DTNB: variants seen among roughly 807,000 people sequenced by gnomAD.
DTNB encodes the protein dystrobrevin beta.
DTNB carries 63 observed loss-of-function variants against 90.7 expected under a neutral mutation model. The ratio of observed to expected loss-of-function variants is 0.69; its 90% CI spans 0.57 to 0.86. The LOEUF is 0.86. Among genes scored for constraint, DTNB ranks in the 40% least tolerant of loss-of-function variants. DTNB has a pLI of 0.00. For synonymous variants in DTNB, 277 were observed against 286.7 expected (o/e 0.97, Z 0.34); for missense variants, 744 against 807.1 (o/e 0.92, Z 0.95).
intron 19 of DTNB, among the ~76,000 whole-genome samples, chr2:25,381,494 C>A (rs2037749975): frequency 6.6e-6 from 1 of 152,162 alleles, no homozygotes; most frequent in South Asian, 2.1e-4. Flanking sequence ...GTCCTCCTGC[C>A]TCTGCCTCCA....
chr2:25,624,075 G>A (rs2073522442), intron 4 of DTNB, among the ~76,000 whole-genome samples: 1 of 152,088 alleles, frequency 6.6e-6, no homozygotes, highest in African/African-American at 2.4e-5. Context: ...ACTATTTGCA[G>A]GCTTCATCTG....
chr2:25,472,470 G>A (rs1574892065), intron 10 of DTNB, among the ~76,000 whole-genome samples: 1 of 152,210 alleles, frequency 6.6e-6, no homozygotes, highest in Non-Finnish European at 1.5e-5. Context: ...GGAAGGGCTG[G>A]CAAGGGTCAG....
chr2:25,479,751 T>A (rs2064527685), intron 10 of DTNB, among the ~76,000 whole-genome samples: 1 of 152,246 alleles, frequency 6.6e-6, no homozygotes. Flanking sequence ...TTATATGCAC[T>A]GCCTATTAAA....
intron 12 of DTNB, among the ~76,000 whole-genome samples, chr2:25,449,369 A>G (rs1257564528): frequency 6.6e-6 from 1 of 152,234 alleles, no homozygotes; most frequent in Non-Finnish European, 1.5e-5. Context: ...GCTGGGTCAT[A>G]GTATAAATTT....
chr2:25,531,307 G>A (rs779241482), intron 9 of DTNB, among the ~76,000 whole-genome samples, 166 bp downstream of exon 9: 4 of 152,158 alleles, frequency 2.6e-5, no homozygotes, highest in Non-Finnish European at 4.4e-5. Context: ...GACACTTAAC[G>A]GTGATTTACA....
At chr2:25,593,122 T>C (rs1419975032) in intron 6 of DTNB, among the ~76,000 whole-genome samples, 3 of 152,168 alleles carry the variant, frequency 2.0e-5, no homozygotes, top group African/African-American at 7.2e-5. Flanking sequence ...AGCTCATGGG[T>C]CCTTGAAACC....
chr2:25,504,065 C>T (rs1165506970), intron 9 of DTNB, among the ~76,000 whole-genome samples: 7 of 152,092 alleles, frequency 4.6e-5, no homozygotes, highest in African/African-American at 7.2e-5. Context: ...GTTGGGAATT[C>T]GAGACCAGTC....
intron 9 of DTNB, among the ~76,000 whole-genome samples, chr2:25,531,094 A>G (rs2078075473): frequency 6.6e-6 from 1 of 152,188 alleles, no homozygotes. Flanking sequence ...TTTCATTTCC[A>G]TGTTGTCTAC....
At chr2:25,648,703 C>A (rs1204321427) in intron 2 of DTNB, among the ~76,000 whole-genome samples, 7 of 152,080 alleles carry the variant, frequency 4.6e-5, no homozygotes, top group Admixed American at 4.6e-4. Flanking sequence ...TACTTTCTGG[C>A]TCTTTAAGAA....
chr2:25,665,776 T>TAA lies in DTNB; in HGVS notation c.-2+7608_-2+7609dup, dbSNP rs11294720. Among the ~76,000 whole-genome samples, 7 of 141,490 alleles carry TAA rather than the reference T, an allele frequency of 4.9e-5. No individual in the cohort carries two copies. The South Asian group carries it at 1.3e-3, about 27-fold the overall frequency. 92.8% of individuals were successfully genotyped at this position (141,490 alleles called of 152,430 possible). On this transcript the variant is annotated intron_variant, in intron 1 of 20. Transcript: ENST00000406818. The stretch of plus-strand genomic sequence containing the variant: ...CTTCTTTTCTCTTCTCTTTCAGATT[T>TAA]AAAAAAAAAAAAAAAAGGCCAGGGA...
chr2:25,525,851 G>C (rs960652075), intron 9 of DTNB, among the ~76,000 whole-genome samples: 2 of 152,100 alleles, frequency 1.3e-5, no homozygotes, highest in Non-Finnish European at 2.9e-5. Context: ...GAAAGGCCTG[G>C]AACCTCTGAA....
At chr2:25,580,076 G>A (rs1288914210) in intron 7 of DTNB, among the ~76,000 whole-genome samples, 1 of 149,398 alleles carries the variant, frequency 6.7e-6, no homozygotes, top group Non-Finnish European at 1.5e-5. Flanking sequence ...CCACCTCCCA[G>A]GTTCAAGCAA....
chr2:25,475,921 A>G (rs1048890284), intron 10 of DTNB, among the ~76,000 whole-genome samples: 19 of 152,206 alleles, frequency 1.2e-4, no homozygotes, highest in African/African-American at 3.9e-4. Flanking sequence ...TTCAGAAAAA[A>G]AGATTGCTTT....
At chr2:25,451,507 G>A (rs199899803) in intron 12 of DTNB, 41 bp downstream of exon 12, 164 of 1,558,738 alleles carry the variant, frequency 1.1e-4, no homozygotes, top group Non-Finnish European at 1.3e-4. Flanking sequence ...TTAAAGTAAT[G>A]CTAATTTCTG....
chr2:25,418,013 T>C (rs2048385585), intron 16 of DTNB, among the ~76,000 whole-genome samples: 1 of 152,190 alleles, frequency 6.6e-6, no homozygotes, highest in Non-Finnish European at 1.5e-5. Flanking sequence ...GGAAGAAGCA[T>C]GTAATGGCTG....
chr2:25,416,102 A>G (rs1187115419), intron 16 of DTNB, among the ~76,000 whole-genome samples: 2 of 152,172 alleles, frequency 1.3e-5, no homozygotes, highest in Admixed American at 1.3e-4. Context: ...GCTCTGCCCT[A>G]ACTCCAGGTA....
At chr2:25,567,317 C>T (rs2059193589) in intron 8 of DTNB, among the ~76,000 whole-genome samples, 1 of 152,142 alleles carries the variant, frequency 6.6e-6, no homozygotes, top group East Asian at 1.9e-4. Context: ...GAGAGGGACA[C>T]CAGTCACATG....
intron 14 of DTNB, 127 bp downstream of exon 14, chr2:25,432,759 T>A: frequency 1.0e-6 from 1 of 956,522 alleles, no homozygotes; most frequent in Non-Finnish European, 1.6e-6. Flanking sequence ...GGTGAACTCT[T>A]CAGTGGTCTG....
rs149365396 is a variant in DTNB, at chr2:25,552,304, G to A, written c.877-20707C>T. On this transcript the variant is annotated intron_variant, in intron 8 of 20. Coordinates refer to ENST00000406818, the MANE Select transcript of DTNB (RefSeq NM_021907.5). ...CAGTGAGAGTGAAAGAGGGATGGAA[G>A]GTGCCACCTCATTGAAAAGCTTTAT... Among the ~76,000 whole-genome samples, 697 of 152,332 alleles carry A rather than the reference G, an allele frequency of 4.6e-3. 3 individuals carry two copies. Among genetic ancestry groups the A allele is most frequent in the Non-Finnish European group, 6.2e-3 (419 of 68,028 alleles).
Sources: allele counts gnomAD v4.1 joint callset (sites outside exome capture counted in the v4.1 genomes callset), GRCh38; gene constraint gnomAD v4.1.1; transcripts MANE v1.5; gene names NCBI Gene and HGNC (gene_info 2026-07-23, HGNC 2026-07-21).